The following KCNB2 variants were observed in gnomAD, a reference collection of about 807,000 sequenced individuals.
KCNB2 encodes delayed rectifier potassium channel protein.
Under a neutral mutation model 61.5 loss-of-function variants are expected in KCNB2, and 15 were observed. The ratio of observed to expected loss-of-function variants is 0.24; its 90% CI spans 0.16 to 0.38. The LOEUF is 0.38. Ranked by LOEUF, KCNB2 falls within the 10% of genes least tolerant of loss-of-function variation. The pLI, the probability that KCNB2 is intolerant of heterozygous loss-of-function variation, is 1.00. For synonymous variants in KCNB2, 457 were observed against 446.0 expected, an observed-to-expected ratio of 1.02 and a Z score of -0.31; for missense variants, 828 against 1,125.2, an observed-to-expected ratio of 0.74 and a Z score of 3.78.
chr8:72,796,571 G>C (rs967706443), intron 2 of KCNB2, among the ~76,000 whole-genome samples: 1 of 152,000 alleles, frequency 6.6e-6, no homozygotes, highest in Non-Finnish European at 1.5e-5. Context: ...CACTGGTGCT[G>C]TGGGAGAATT....
At chr8:72,802,124 A>G (rs1809142743) in intron 2 of KCNB2, among the ~76,000 whole-genome samples, 1 of 152,144 alleles carries the variant, frequency 6.6e-6, no homozygotes, top group Non-Finnish European at 1.5e-5. Context: ...GCTTCTTTTC[A>G]ATTGTTACGT....
Position 72,743,625 on chromosome 8 carries a change from A to G in KCNB2, c.579+175312A>G, listed in dbSNP as rs757598841. 1.2e-4 allele frequency among the ~76,000 whole-genome samples: 18 copies of G among 152,198 alleles called. No homozygotes were observed. The South Asian group carries it at 1.2e-3, about 11-fold the overall frequency. On this transcript the variant is annotated intron_variant, in intron 2 of 2. Coordinates refer to ENST00000523207, the MANE Select transcript of KCNB2 (RefSeq NM_004770.3). ...GCATTTTTATTTGATTCTAAATTGG[A>G]TAAATTGTAACTCATTTAAATTACT...
Position 72,935,946 on chromosome 8 carries a change from C to A in KCNB2, c.591C>A (p.Ile197=). Residue 197 remains isoleucine (I), a synonymous_variant, in exon 3 of 3, where the codon ATC becomes ATA. Coordinates refer to ENST00000523207, the MANE Select transcript of KCNB2 (RefSeq NM_004770.3). ...NSSVAAKILA[I]VSILFIVLST... is the part of the protein sequence containing the mutation. ...TTTCTCTTTTCCAGATCCTGGCCAT[C>A]GTGTCTATCCTGTTCATTGTGCTTT... is the stretch of plus-strand genomic sequence containing the variant. 1.9e-6 allele frequency: 3 copies of A among 1,611,294 alleles called. No individual in the cohort carries two copies. Among genetic ancestry groups the A allele is most frequent in the Non-Finnish European group, 2.5e-6 (3 of 1,177,994 alleles).
Position 72,821,955 on chromosome 8 carries a change from C to T in KCNB2, c.580-113980C>T, listed in dbSNP as rs751797038. Among the ~76,000 whole-genome samples, 38 of 152,128 alleles carry T rather than the reference C, an allele frequency of 2.5e-4. 1 individual carries two copies. Among genetic ancestry groups the T allele is most frequent in the Non-Finnish European group, 2.4e-4 (16 of 68,010 alleles). The stretch of plus-strand genomic sequence containing the variant: ...CAGTTACCAAGTCCAGTGGATTCCG[C>T]CACCTCAATATATCTTACCCTCATC... On this transcript the variant is annotated intron_variant, in intron 2 of 2. Transcript: ENST00000523207.
At chr8:72,704,957 T>TTA (rs1807195792) in intron 2 of KCNB2, among the ~76,000 whole-genome samples, 1 of 67,476 alleles carries the variant, frequency 1.5e-5, no homozygotes. Context: ...AATTTAATTT[T>TTA]TTATTGTATT....
At chr8:72,696,054 A>G (rs1409391977) in intron 2 of KCNB2, among the ~76,000 whole-genome samples, 1 of 152,078 alleles carries the variant, frequency 6.6e-6, no homozygotes, top group Non-Finnish European at 1.5e-5. Flanking sequence ...TGGTACTTGC[A>G]GAGTCATCTA....
intron 2 of KCNB2, among the ~76,000 whole-genome samples, chr8:72,723,373 C>G (rs940552375): frequency 6.6e-6 from 1 of 152,192 alleles, no homozygotes; most frequent in Non-Finnish European, 1.5e-5. Context: ...TTAATAGTCA[C>G]TAAAAAACTA....
At chr8:72,928,912 T>C (rs1806713489) in intron 2 of KCNB2, among the ~76,000 whole-genome samples, 1 of 151,722 alleles carries the variant, frequency 6.6e-6, no homozygotes, top group South Asian at 2.1e-4. Context: ...ATTAAATAGT[T>C]CTGGAATTGT....
intron 2 of KCNB2, among the ~76,000 whole-genome samples, chr8:72,928,760 C>T (rs544178218): frequency 1.3e-5 from 2 of 150,408 alleles, no homozygotes; most frequent in African/African-American, 4.9e-5. Flanking sequence ...GTCAAGTTCA[C>T]CTGGAGAAAC....
intron 2 of KCNB2, among the ~76,000 whole-genome samples, chr8:72,839,213 A>G (rs1378490636): frequency 6.6e-6 from 1 of 152,204 alleles, no homozygotes; most frequent in Non-Finnish European, 1.5e-5. Context: ...TGAATTCTGT[A>G]ATAAATATTT....
At chr8:72,654,099 GCTCT>G (rs2128986670) in intron 2 of KCNB2, among the ~76,000 whole-genome samples, 1 of 152,212 alleles carries the variant, frequency 6.6e-6, no homozygotes, top group Admixed American at 6.5e-5. Context: ...TCAATATTAT[GCTCT>G]CTGTTTCACA....
intron 2 of KCNB2, among the ~76,000 whole-genome samples, chr8:72,849,688 T>G (rs568236134): frequency 1.2e-4 from 19 of 152,352 alleles, no homozygotes; most frequent in African/African-American, 4.1e-4. Context: ...TTTATTGCTT[T>G]GGAGAAGAGC....
At chr8:72,579,581 G>A (rs1806859088) in intron 2 of KCNB2, among the ~76,000 whole-genome samples, 1 of 152,038 alleles carries the variant, frequency 6.6e-6, no homozygotes, top group South Asian at 2.1e-4. Context: ...CCCTTAATCC[G>A]TGAACTCGGG....
intron 2 of KCNB2, among the ~76,000 whole-genome samples, chr8:72,815,095 A>G (rs1263638870): frequency 6.6e-6 from 1 of 152,158 alleles, no homozygotes; most frequent in African/African-American, 2.4e-5. Flanking sequence ...TTTCTCCACC[A>G]TGATTCATGA....
At chr8:72,634,140 G>A (rs1425882682) in intron 2 of KCNB2, among the ~76,000 whole-genome samples, 1 of 151,710 alleles carries the variant, frequency 6.6e-6, no homozygotes, top group East Asian at 1.9e-4. Flanking sequence ...TGATCCAAAT[G>A]TAAGAAAACT....
At chr8:72,754,034 G>A (rs10957613) in intron 2 of KCNB2, among the ~76,000 whole-genome samples, 21,566 of 152,142 alleles carry the variant, frequency 0.14, 1,845 homozygotes, top group South Asian at 0.31. Flanking sequence ...CCCTGGGAAA[G>A]TACAAAGACA....
intron 2 of KCNB2, among the ~76,000 whole-genome samples, chr8:72,765,211 G>C (rs1440346): frequency 0.026 from 4,009 of 152,274 alleles, 62 homozygotes; most frequent in African/African-American, 0.037. Flanking sequence ...CTCTCACCCA[G>C]AGTTGTCTGT....
At chr8:72,561,747 G>GTGTGTGTA (rs1563523487) in intron 1 of KCNB2, among the ~76,000 whole-genome samples, 1 of 16,060 alleles carries the variant, frequency 6.2e-5, no homozygotes. Context: ...ATATATATAT[G>GTGTGTGTA]TATATATATA....
intron 2 of KCNB2, among the ~76,000 whole-genome samples, chr8:72,917,168 T>C (rs1238404535): frequency 6.6e-6 from 1 of 152,192 alleles, no homozygotes; most frequent in Non-Finnish European, 1.5e-5. Flanking sequence ...AATCATTTCC[T>C]TGTGAGGCTT....
Sources: allele counts gnomAD v4.1 joint callset (sites outside exome capture counted in the v4.1 genomes callset), GRCh38; gene constraint gnomAD v4.1.1; transcripts MANE v1.5; gene names NCBI Gene and HGNC (gene_info 2026-07-23, HGNC 2026-07-21).